NTN1: variants seen among roughly 807,000 people sequenced by gnomAD.
NTN1 encodes the protein netrin 1.
A neutral mutation model predicts 54.2 loss-of-function variants in NTN1; 11 were observed. The observed-to-expected ratio is 0.20, with a 90% CI of 0.13 to 0.34. NTN1 has a LOEUF of 0.34. Among genes scored for constraint, NTN1 ranks in the 10% least tolerant of loss-of-function variants. The pLI is 1.00. For synonymous variants in NTN1, 371 were observed against 382.0 expected (o/e 0.97, Z 0.33); for missense variants, 740 against 893.1 (o/e 0.83, Z 2.18).
At chr17:9,034,890 A>G in intron 2 of NTN1, among the ~76,000 whole-genome samples, 1 of 152,140 alleles carries the variant, frequency 6.6e-6, no homozygotes, top group East Asian at 1.9e-4. Context: ...GCGTCCACCC[A>G]GTTACCACGC....
chr17:9,177,419 T>A (rs2092403212), intron 3 of NTN1: 2 of 152,274 alleles, frequency 1.3e-5, no homozygotes, highest in Admixed American at 1.3e-4. Flanking sequence ...GGTGTCCACG[T>A]GTGACTTGGC....
At chr17:9,201,002 T>C (rs1008579529) in intron 5 of NTN1, among the ~76,000 whole-genome samples, 3 of 152,102 alleles carry the variant, frequency 2.0e-5, no homozygotes, top group Non-Finnish European at 4.4e-5. Flanking sequence ...CCTCTCTGGA[T>C]GGGCTGCTGT....
chr17:9,037,977 G>A (rs2091908275), intron 2 of NTN1, among the ~76,000 whole-genome samples: 1 of 152,038 alleles, frequency 6.6e-6, no homozygotes, highest in Admixed American at 6.6e-5. Context: ...TCATCTCCTG[G>A]CACTTTGCTG....
At chr17:9,151,906 T>TA (rs1401333923) in intron 2 of NTN1, among the ~76,000 whole-genome samples, 1 of 152,074 alleles carries the variant, frequency 6.6e-6, no homozygotes, top group Non-Finnish European at 1.5e-5. Flanking sequence ...CAGCACTCTG[T>TA]AAAATGCACC....
At chr17:9,147,017 C>T (rs1323274130) in intron 2 of NTN1, among the ~76,000 whole-genome samples, 1 of 152,158 alleles carries the variant, frequency 6.6e-6, no homozygotes, top group African/African-American at 2.4e-5. Context: ...AAGGCCTGTT[C>T]AGAGGATGTT....
intron 5 of NTN1, among the ~76,000 whole-genome samples, chr17:9,187,046 T>G (rs1469202347): frequency 1.3e-5 from 2 of 152,046 alleles, no homozygotes; most frequent in Non-Finnish European, 2.9e-5. Flanking sequence ...AGGGCTGTTG[T>G]GAGGATTAAA....
intron 2 of NTN1, among the ~76,000 whole-genome samples, chr17:9,101,821 C>T (rs936039757): frequency 1.3e-5 from 2 of 152,040 alleles, no homozygotes; most frequent in African/African-American, 2.4e-5. Context: ...AGGGAGACCC[C>T]ATCTCTACAA....
intron 2 of NTN1, among the ~76,000 whole-genome samples, chr17:9,093,160 T>TG (rs888508374): frequency 2.0e-5 from 3 of 152,220 alleles, no homozygotes; most frequent in Non-Finnish European, 4.4e-5. Context: ...CCCAAAGTGT[T>TG]GCGATTACAG....
At chr17:9,198,073 T>C (rs1904685882) in intron 5 of NTN1, among the ~76,000 whole-genome samples, 1 of 152,086 alleles carries the variant, frequency 6.6e-6, no homozygotes, top group African/African-American at 2.4e-5. Flanking sequence ...TGGCTTTAAT[T>C]CTCCCCAGAA....
chr17:9,201,585 G>C (rs758139412), intron 5 of NTN1, among the ~76,000 whole-genome samples: 2 of 152,188 alleles, frequency 1.3e-5, no homozygotes, highest in Non-Finnish European at 2.9e-5. Flanking sequence ...CACACATATG[G>C]CCTCCCTTGT....
chr17:9,189,973 A>G (rs1039229063), intron 5 of NTN1, among the ~76,000 whole-genome samples: 9 of 152,210 alleles, frequency 5.9e-5, no homozygotes, highest in Admixed American at 3.9e-4. Flanking sequence ...TAATCCCAGA[A>G]TGGGTGAGCA....
rs146196920 is a variant in NTN1 at position 9,235,317 on chromosome 17, C to T, written c.1487-4323C>T. Among the ~76,000 whole-genome samples the T allele has an allele frequency of 3.2e-3, 491 of 152,334 alleles. 6 individuals are homozygous for T. Among genetic ancestry groups the T allele is most frequent in the African/African-American group, 0.011 (448 of 41,568 alleles). On this transcript the variant is annotated intron_variant, in intron 6 of 6. Coordinates refer to ENST00000173229, the MANE Select transcript of NTN1 (RefSeq NM_004822.3). The stretch of plus-strand genomic sequence containing the variant: ...CACACTGCTCATCTCCCTGGTCTGA[C>T]CTCACCGTCTGCCTTTCTGAGAGCA...
rs1555567412 is a variant in NTN1 at position 9,096,366 on chromosome 17, CTTTTTTT to C, written c.1019-66431_1019-66425del. 3.3e-5 allele frequency among the ~76,000 whole-genome samples: 3 copies of C among 91,554 alleles called. 1 individual carries two copies. Among genetic ancestry groups the C allele is most frequent in the South Asian group, 4.2e-4 (1 of 2,392 alleles). The allele number at this position is 91,554 out of a possible 152,430, so 60.1% of individuals were successfully genotyped here. A position where few individuals can be genotyped will look rare whatever the true frequency, so the allele number is the denominator to read the frequency against. The stretch of plus-strand genomic sequence containing the variant: ...TGTCTTCCTGGGTTTTATGGGTAGA[CTTTTTTT>C]TTTTTTTTTTTTTTTGAGATGGAGT... On this transcript the variant is annotated intron_variant, in intron 2 of 6. Coordinates refer to ENST00000173229, the MANE Select transcript of NTN1 (RefSeq NM_004822.3).
chr17:9,222,083 C>T (rs559283927), intron 6 of NTN1, among the ~76,000 whole-genome samples: 4 of 152,324 alleles, frequency 2.6e-5, no homozygotes, highest in Admixed American at 6.5e-5. Flanking sequence ...CACCATAGGC[C>T]GGGAAGGAGC....
At position 9,162,973 on chromosome 17, in the gene NTN1, G is replaced by T; in HGVS notation, c.1179G>T (p.Lys393Asn). The stretch of plus-strand genomic sequence containing the variant: ...AGGGCTACTACCGCGACATGGGCAA[G>T]CCCATCACCCACCGGAAGGCCTGCA... ...CKEGYYRDMGKPITHRKACKA... is the reference protein window; with the variant it reads ...CKEGYYRDMGNPITHRKACKA... The change falls in exon 3 of 7, where the codon AAG (lysine) becomes AAT (asparagine). Residue 393 changes from lysine to asparagine, a missense_variant. Transcript: ENST00000173229. The T allele has an allele frequency of 4.3e-6, 7 of 1,612,814 alleles. No individual in the cohort carries two copies. Among genetic ancestry groups the T allele is most frequent in the Non-Finnish European group, 5.9e-6 (7 of 1,179,452 alleles).
chr17:9,234,040 C>T (rs924334368), intron 6 of NTN1, among the ~76,000 whole-genome samples: 1 of 152,230 alleles, frequency 6.6e-6, no homozygotes, highest in Non-Finnish European at 1.5e-5. Flanking sequence ...CCCTTGTTGA[C>T]TCTGGCCCCC....
intron 2 of NTN1, among the ~76,000 whole-genome samples, chr17:9,126,680 C>T (rs976906717): frequency 4.6e-5 from 7 of 152,118 alleles, no homozygotes; most frequent in African/African-American, 1.7e-4. Context: ...TAGGGCTTCG[C>T]ATTCAGCTCT....
intron 2 of NTN1, among the ~76,000 whole-genome samples, chr17:9,152,094 C>T (rs377367470): frequency 3.3e-5 from 5 of 152,212 alleles, no homozygotes; most frequent in East Asian, 3.9e-4. Flanking sequence ...TCACCTTCCA[C>T]GCTGTGGAAG....
chr17:9,030,431 A>G (rs1403776502), intron 2 of NTN1, among the ~76,000 whole-genome samples: 1 of 152,234 alleles, frequency 6.6e-6, no homozygotes. Flanking sequence ...GCATTGGTGC[A>G]TGTGAAGAAG....
Sources: allele counts gnomAD v4.1 joint callset (sites outside exome capture counted in the v4.1 genomes callset), GRCh38; gene constraint gnomAD v4.1.1; transcripts MANE v1.5; gene names NCBI Gene and HGNC (gene_info 2026-07-23, HGNC 2026-07-21).